Variants in CUX2 observed in about 807,000 individuals in gnomAD.
The protein encoded by CUX2 is cut like homeobox 2, also known as homeobox protein cut-like 2.
Under a neutral mutation model 144.8 loss-of-function variants are expected in CUX2, and 40 were observed. The observed-to-expected ratio is 0.28, with a 90% confidence interval of 0.21 to 0.36. The LOEUF (loss-of-function observed/expected upper bound fraction) is 0.36. CUX2 is among the 10% of genes least tolerant of loss of function. The pLI, the probability that CUX2 is intolerant of heterozygous loss-of-function variation, is 1.00. For missense variants in CUX2, 1,615 were observed against 1,994.0 expected, an observed-to-expected ratio of 0.81 and a Z score of 3.62; for synonymous variants, 827 against 875.6, an observed-to-expected ratio of 0.94 and a Z score of 0.98.
At chr12:111,164,067 A>G (rs1877962075) in intron 1 of CUX2, among the ~76,000 whole-genome samples, 1 of 152,234 alleles carries the variant, frequency 6.6e-6, no homozygotes, top group Non-Finnish European at 1.5e-5. Flanking sequence ...ATATCTCTAT[A>G]GCACTTAGAA....
chr12:111,325,161 G>T (rs1465298365), intron 18 of CUX2, among the ~76,000 whole-genome samples: 1 of 151,866 alleles, frequency 6.6e-6, no homozygotes, highest in Non-Finnish European at 1.5e-5. Flanking sequence ...GGGCGTGGTG[G>T]CAGGCGCCTG....
At chr12:111,099,011 C>T (rs575203411) in intron 1 of CUX2, among the ~76,000 whole-genome samples, 1 of 152,318 alleles carries the variant, frequency 6.6e-6, no homozygotes, top group East Asian at 1.9e-4. Flanking sequence ...CGGGAGGCCT[C>T]TGGAGTAAGG....
chr12:111,346,123 A>T (rs973704608), intron 21 of CUX2, among the ~76,000 whole-genome samples: 16 of 143,386 alleles, frequency 1.1e-4, no homozygotes, highest in Non-Finnish European at 2.1e-4. Context: ...AAAAAAAGTT[A>T]CACGAAAAAG....
intron 1 of CUX2, among the ~76,000 whole-genome samples, chr12:111,210,245 T>C (rs1036058488): frequency 6.6e-6 from 1 of 152,224 alleles, no homozygotes. Context: ...ATTTTAGCTG[T>C]GTGTATTATG....
At chr12:111,199,167 T>C (rs1880421131) in intron 1 of CUX2, among the ~76,000 whole-genome samples, 1 of 152,082 alleles carries the variant, frequency 6.6e-6, no homozygotes, top group Admixed American at 6.6e-5. Flanking sequence ...GTTGGCGGGA[T>C]TGAAGAGACG....
At chr12:111,189,228 C>T (rs1488208307) in intron 1 of CUX2, among the ~76,000 whole-genome samples, 1 of 152,146 alleles carries the variant, frequency 6.6e-6, no homozygotes, top group Non-Finnish European at 1.5e-5. Context: ...GCCATGATTG[C>T]ACCTCTATAC....
At chr12:111,069,562 G>A (rs1228920481) in intron 1 of CUX2, among the ~76,000 whole-genome samples, 4 of 148,440 alleles carry the variant, frequency 2.7e-5, no homozygotes, top group African/African-American at 7.8e-5. Context: ...GCGCGCGCGT[G>A]TGTGTGTGTT....
intron 10 of CUX2, among the ~76,000 whole-genome samples, chr12:111,305,388 G>C (rs1172654925): frequency 6.6e-6 from 1 of 152,142 alleles, no homozygotes; most frequent in Non-Finnish European, 1.5e-5. Flanking sequence ...CTCTCTTTCT[G>C]TTTGAATATT....
intron 3 of CUX2, among the ~76,000 whole-genome samples, chr12:111,231,530 T>C (rs577964939): frequency 1.3e-5 from 2 of 152,220 alleles, no homozygotes; most frequent in South Asian, 4.2e-4. Context: ...TTGTAACAAG[T>C]GAGAACAGAG....
chr12:111,252,548 A>G (rs1245211637), intron 3 of CUX2, among the ~76,000 whole-genome samples: 1 of 152,094 alleles, frequency 6.6e-6, no homozygotes, highest in East Asian at 1.9e-4. Flanking sequence ...AGTTTGAGCT[A>G]CTAGGAGGGC....
intron 1 of CUX2, among the ~76,000 whole-genome samples, chr12:111,105,223 A>G (rs537908680): frequency 1.2e-4 from 18 of 152,012 alleles, no homozygotes; most frequent in Non-Finnish European, 2.5e-4. Flanking sequence ...CCAGGCATTT[A>G]TTTCTGCCTC....
intron 18 of CUX2, among the ~76,000 whole-genome samples, chr12:111,330,708 T>TAC (rs1376918595): frequency 3.1e-4 from 7 of 22,376 alleles, no homozygotes; most frequent in African/African-American, 1.2e-3. Context: ...TATATATATA[T>TAC]ATATATATAT....
intron 1 of CUX2, among the ~76,000 whole-genome samples, chr12:111,135,330 C>G (rs890660181): frequency 6.6e-6 from 1 of 152,070 alleles, no homozygotes; most frequent in East Asian, 1.9e-4. Context: ...AATAAGGCAG[C>G]CATGAGGATA....
At chr12:111,205,132 G>A (rs558302115) in intron 1 of CUX2, among the ~76,000 whole-genome samples, 12 of 151,450 alleles carry the variant, frequency 7.9e-5, no homozygotes, top group South Asian at 2.1e-4. Context: ...GGCGGGCTGC[G>A]GAGCCATCCG....
At chr12:111,129,501 A>G (rs1396454452) in intron 1 of CUX2, among the ~76,000 whole-genome samples, 11 of 152,206 alleles carry the variant, frequency 7.2e-5, no homozygotes, top group African/African-American at 2.2e-4. Flanking sequence ...AGGCAATGAA[A>G]CCACATCTGC....
chr12:111,235,120 T>G (rs1882673493), intron 3 of CUX2, among the ~76,000 whole-genome samples: 1 of 152,166 alleles, frequency 6.6e-6, no homozygotes, highest in Non-Finnish European at 1.5e-5. Context: ...ATATCAAGTG[T>G]TCAGCATGAT....
intron 1 of CUX2, among the ~76,000 whole-genome samples, chr12:111,143,095 C>T (rs1322128547): frequency 6.6e-6 from 1 of 152,168 alleles, no homozygotes. Context: ...TCTCCTGTCC[C>T]CTTTCCTCAA....
At chr12:111,259,065 GTGTGTGTT>G (rs1298865882) in intron 3 of CUX2, among the ~76,000 whole-genome samples, 2 of 146,098 alleles carry the variant, frequency 1.4e-5, no homozygotes, top group African/African-American at 5.5e-5. Context: ...GTGTGTGTGT[GTGTGTGTT>G]TGTGTGTGTG....
chr12:111,150,463 A>T (rs371557582), intron 1 of CUX2, among the ~76,000 whole-genome samples: 1 of 152,192 alleles, frequency 6.6e-6, no homozygotes, highest in African/African-American at 2.4e-5. Flanking sequence ...GTGTGTGGGT[A>T]ACACGGGGCT....
Sources: allele counts gnomAD v4.1 joint callset (sites outside exome capture counted in the v4.1 genomes callset), GRCh38; gene constraint gnomAD v4.1.1; transcripts MANE v1.5; gene names NCBI Gene and HGNC (gene_info 2026-07-23, HGNC 2026-07-21).